The following ACOXL variants were observed in gnomAD, a reference collection of about 807,000 sequenced individuals.
ACOXL encodes acyl-CoA oxidase like, also known as acyl-coenzyme A oxidase-like protein.
Under a neutral mutation model 71.9 loss-of-function variants are expected in ACOXL, and 70 were observed. That is an observed-to-expected ratio of 0.97 (90% confidence interval 0.80 to 1.19). The LOEUF (loss-of-function observed/expected upper bound fraction) is 1.19. Among genes scored for constraint, ACOXL ranks in the 50% most tolerant of loss-of-function variants. The probability of loss-of-function intolerance (pLI) is 0.00; values close to 1 mark genes in which losing one functional copy is unlikely to be tolerated. For missense variants in ACOXL, 703 were observed against 736.3 expected (o/e 0.95, Z 0.52); for synonymous variants, 253 against 281.6 (o/e 0.90, Z 1.02).
intron 14 of ACOXL, among the ~76,000 whole-genome samples, chr2:111,021,643 G>A (rs576819654): frequency 6.6e-6 from 1 of 152,068 alleles, no homozygotes; most frequent in Non-Finnish European, 1.5e-5. Flanking sequence ...GGGTGGAGAG[G>A]GGAGGACCCT....
intron 9 of ACOXL, among the ~76,000 whole-genome samples, chr2:110,823,402 A>T (rs1215204688): frequency 1.3e-5 from 2 of 152,188 alleles, no homozygotes; most frequent in Non-Finnish European, 2.9e-5. Flanking sequence ...TTTGGTGATT[A>T]TGAATAAAGC....
At chr2:111,086,411 A>G (rs1288216040) in intron 16 of ACOXL, among the ~76,000 whole-genome samples, 1 of 152,228 alleles carries the variant, frequency 6.6e-6, no homozygotes, top group African/African-American at 2.4e-5. Context: ...GGTTCAACAT[A>G]CACAAGTTAA....
chr2:111,108,677 G>A (rs761525873), intron 17 of ACOXL, among the ~76,000 whole-genome samples: 15 of 152,150 alleles, frequency 9.9e-5, no homozygotes, highest in Non-Finnish European at 1.9e-4. Flanking sequence ...ATGCCCGGCC[G>A]AAGCGCACAA....
At chr2:110,926,920 C>T (rs1317814430) in intron 11 of ACOXL, among the ~76,000 whole-genome samples, 4 of 152,158 alleles carry the variant, frequency 2.6e-5, no homozygotes, top group Non-Finnish European at 1.5e-5. Context: ...TGCCTCCCTC[C>T]TGGGGCCTTC....
chr2:110,765,278 C>T (rs927801330), intron 1 of ACOXL, among the ~76,000 whole-genome samples: 5 of 152,102 alleles, frequency 3.3e-5, no homozygotes, highest in African/African-American at 1.2e-4. Flanking sequence ...TGGGTTTAGC[C>T]AATTATTTGC....
intron 9 of ACOXL, among the ~76,000 whole-genome samples, chr2:110,833,767 A>AT (rs988035644): frequency 4.6e-5 from 7 of 151,882 alleles, no homozygotes; most frequent in Non-Finnish European, 8.8e-5. Flanking sequence ...TGGGTGGAGG[A>AT]TTTTTTTTAC....
chr2:110,764,477 A>G (rs936420641), intron 1 of ACOXL, among the ~76,000 whole-genome samples: 3 of 152,218 alleles, frequency 2.0e-5, no homozygotes, highest in African/African-American at 4.8e-5. Context: ...CTATGGAGAC[A>G]GTAAAAAGAT....
At chr2:110,889,409 A>G (rs1194613825) in intron 10 of ACOXL, among the ~76,000 whole-genome samples, 3 of 152,192 alleles carry the variant, frequency 2.0e-5, no homozygotes, top group South Asian at 2.1e-4. Context: ...AGTGTCTTCA[A>G]TGTGTTGTGC....
chr2:111,000,071 C>T (rs1403218622), intron 14 of ACOXL, among the ~76,000 whole-genome samples: 1 of 152,072 alleles, frequency 6.6e-6, no homozygotes, highest in Non-Finnish European at 1.5e-5. Flanking sequence ...TGGGTTTGCA[C>T]CTATGCAGTT....
In ACOXL at chr2:110,897,751, C is replaced by T. The variant is rs200839784; in HGVS notation, c.789-11038C>T. 9.3e-5 allele frequency among the ~76,000 whole-genome samples: 14 copies of T among 150,766 alleles called. No homozygotes were observed. The East Asian group carries it at 2.7e-3, about 29-fold the overall frequency. ...AAGAATAAAGTAATAAAGACAAGCG[C>T]AGAAATCAATGAAATGGAAAACAGA... On this transcript the variant is annotated intron_variant, in intron 10 of 17. Transcript: ENST00000439055.
At chr2:110,999,725 A>C (rs557323129) in intron 14 of ACOXL, among the ~76,000 whole-genome samples, 1 of 152,180 alleles carries the variant, frequency 6.6e-6, no homozygotes, top group Non-Finnish European at 1.5e-5. Context: ...TGTCATAAGA[A>C]TGCCCTATGG....
intron 12 of ACOXL, among the ~76,000 whole-genome samples, chr2:110,985,794 G>A (rs1417500653): frequency 6.6e-6 from 1 of 152,136 alleles, no homozygotes; most frequent in Non-Finnish European, 1.5e-5. Flanking sequence ...ATTTTACCAC[G>A]TGGCATTTGA....
chr2:111,082,684 G>A (rs1321123254), intron 16 of ACOXL, among the ~76,000 whole-genome samples: 1 of 152,136 alleles, frequency 6.6e-6, no homozygotes, highest in Non-Finnish European at 1.5e-5. Flanking sequence ...CCCATTACTG[G>A]TATATACCCA....
At chr2:110,796,407 GA>G (rs1685285864) in intron 5 of ACOXL, among the ~76,000 whole-genome samples, 1 of 152,180 alleles carries the variant, frequency 6.6e-6, no homozygotes, top group African/African-American at 2.4e-5. Flanking sequence ...AATGATTACA[GA>G]AACTGACACA....
At chr2:110,865,449 G>A (rs930129000) in intron 10 of ACOXL, among the ~76,000 whole-genome samples, 1 of 152,132 alleles carries the variant, frequency 6.6e-6, no homozygotes, top group Admixed American at 6.5e-5. Flanking sequence ...ACTATGCATG[G>A]GTCTCAATTC....
Position 111,118,090 on chromosome 2 carries a change from G to A in ACOXL, c.*274G>A. 1.8e-6 allele frequency: 1 copy of A among 552,078 alleles called. No individual in the cohort carries two copies. Among genetic ancestry groups the A allele is most frequent in the South Asian group, 2.1e-5 (1 of 46,972 alleles). 34.2% of individuals were successfully genotyped at this position (552,078 alleles called of 1,614,324 possible). A position where few individuals can be genotyped will look rare whatever the true frequency, so the allele number is the denominator to read the frequency against. Reference sequence around the variant, plus strand: ...TGCAACCTCTCCCAACTTCAGTGCCGGATCCCCTAGACAATCAGGGTGGGC... The same window carrying A: ...TGCAACCTCTCCCAACTTCAGTGCCAGATCCCCTAGACAATCAGGGTGGGC... On this transcript the variant is annotated 3_prime_UTR_variant, in exon 18 of 18. Coordinates refer to ENST00000439055, the MANE Select transcript of ACOXL (RefSeq NM_001142807.4).
chr2:110,811,730 T>TACACACACACACACACACACACACAC lies in ACOXL; in HGVS notation c.753+6366_753+6391dup, dbSNP rs780039810. Among the ~76,000 whole-genome samples the TACACACACACACACACACACACACAC allele has an allele frequency of 1.6e-4, 16 of 101,660 alleles. 1 individual carries two copies. Among genetic ancestry groups the TACACACACACACACACACACACACAC allele is most frequent in the East Asian group, 3.1e-4 (1 of 3,198 alleles). 66.7% of individuals were successfully genotyped at this position (101,660 alleles called of 152,430 possible). Reference sequence around the variant, plus strand: ...CGTTATCCTTTTTGTTTTTTTTGCATACACACACACACACACACACACACA... The same window carrying TACACACACACACACACACACACACAC: ...CGTTATCCTTTTTGTTTTTTTTGCATACACACACACACACACACACACACACACACACACACACACACACACACACA... On this transcript the variant is annotated intron_variant, in intron 9 of 17. Transcript: ENST00000439055.
At chr2:110,941,256 A>G (rs2060858127) in intron 12 of ACOXL, among the ~76,000 whole-genome samples, 1 of 152,210 alleles carries the variant, frequency 6.6e-6, no homozygotes, top group Non-Finnish European at 1.5e-5. Context: ...CTGTGCATGG[A>G]ATTGCAAGGC....
At chr2:110,958,980 A>C (rs1399797070) in intron 12 of ACOXL, among the ~76,000 whole-genome samples, 2 of 152,204 alleles carry the variant, frequency 1.3e-5, no homozygotes, top group Non-Finnish European at 2.9e-5. Flanking sequence ...CCTTGTCCTG[A>C]GATTGGCTTA....
Sources: gnomAD v4.1 joint callset for allele counts (sites outside exome capture counted in the v4.1 genomes callset) on GRCh38, gnomAD v4.1.1 for gene constraint, MANE v1.5 for transcripts, NCBI Gene and HGNC (gene_info 2026-07-23, HGNC 2026-07-21) for gene names.